CDKAL1: variants seen among roughly 807,000 people sequenced by gnomAD.
CDKAL1 encodes the protein CDKAL1 threonylcarbamoyladenosine tRNA methylthiotransferase.
A neutral mutation model predicts 68.2 loss-of-function variants in CDKAL1; 32 were observed. The observed-to-expected ratio is 0.47, with a 90% confidence interval of 0.35 to 0.63. The LOEUF (loss-of-function observed/expected upper bound fraction) is 0.63, where lower values mean the gene tolerates loss of function less well. Ranked by LOEUF, CDKAL1 falls within the 30% of genes least tolerant of loss-of-function variation. CDKAL1 has a pLI of 0.00. For missense variants in CDKAL1, 606 were observed against 696.7 expected, an observed-to-expected ratio of 0.87 and a Z score of 1.47; for synonymous variants, 234 against 244.3, an observed-to-expected ratio of 0.96 and a Z score of 0.39.
intron 5 of CDKAL1, 23 bp downstream of exon 5, chr6:20,649,400 C>G: frequency 7.3e-7 from 1 of 1,361,710 alleles, no homozygotes; most frequent in Non-Finnish European, 1.0e-6. Context: ...TGATTTTTTC[C>G]TATTTTGTAT....
intron 7 of CDKAL1, among the ~76,000 whole-genome samples, chr6:20,759,925 T>TA (rs1406992784): frequency 6.6e-6 from 1 of 152,120 alleles, no homozygotes; most frequent in Non-Finnish European, 1.5e-5. Flanking sequence ...TTATATTTTT[T>TA]AAAAAACCAT....
intron 4 of CDKAL1, chr6:20,559,276 A>C (rs529771071): frequency 1.3e-5 from 2 of 152,282 alleles, no homozygotes; most frequent in East Asian, 3.9e-4. Context: ...GTTGATTAGA[A>C]TCTTCACCTT....
rs1266169727 is a variant in CDKAL1, at chr6:21,184,092, C to T, written c.1300-13929C>T. Among the ~76,000 whole-genome samples the T allele has an allele frequency of 1.3e-5, 2 of 151,664 alleles. 1 individual carries two copies. Among genetic ancestry groups the T allele is most frequent in the Admixed American group, 1.3e-4 (2 of 15,230 alleles). On this transcript the variant is annotated intron_variant, in intron 13 of 15. Transcript: ENST00000274695. ...GACTGACAAAACAGACTTTTTGTAA[C>T]AATAAGATACCAGATTCCAACCTGA...
chr6:20,750,628 A>G (rs779136460), intron 6 of CDKAL1, among the ~76,000 whole-genome samples: 1 of 152,092 alleles, frequency 6.6e-6, no homozygotes, highest in Non-Finnish European at 1.5e-5. Context: ...GCAAAAATCT[A>G]TCTTGATATC....
chr6:21,211,795 C>T (rs1376837489), intron 15 of CDKAL1, among the ~76,000 whole-genome samples: 1 of 152,200 alleles, frequency 6.6e-6, no homozygotes, highest in East Asian at 1.9e-4. Context: ...CATTCTGTCA[C>T]CCAGGCTCTG....
intron 11 of CDKAL1, among the ~76,000 whole-genome samples, chr6:21,062,401 T>C (rs1436564643): frequency 6.6e-6 from 1 of 152,210 alleles, no homozygotes; most frequent in Non-Finnish European, 1.5e-5. Context: ...TCTACATGCT[T>C]TAGTCTACAA....
chr6:20,715,914 G>A (rs1415416594), intron 5 of CDKAL1, among the ~76,000 whole-genome samples: 1 of 152,084 alleles, frequency 6.6e-6, no homozygotes, highest in Non-Finnish European at 1.5e-5. Flanking sequence ...CCATTTTGTT[G>A]TGGGTTTATT....
intron 12 of CDKAL1, among the ~76,000 whole-genome samples, chr6:21,106,381 T>G (rs1319168965): frequency 6.6e-6 from 1 of 152,168 alleles, no homozygotes; most frequent in Admixed American, 6.5e-5. Flanking sequence ...GTTCTACATC[T>G]GCAGATTCAA....
At chr6:21,096,455 C>A (rs1028174543) in intron 12 of CDKAL1, among the ~76,000 whole-genome samples, 3 of 152,106 alleles carry the variant, frequency 2.0e-5, no homozygotes, top group African/African-American at 7.2e-5. Flanking sequence ...AGTAAAGGCA[C>A]ATTACCATCT....
intron 10 of CDKAL1, among the ~76,000 whole-genome samples, chr6:20,962,420 T>A (rs1196917355): frequency 6.6e-6 from 1 of 152,210 alleles, no homozygotes; most frequent in African/African-American, 2.4e-5. Flanking sequence ...AATGACCTTA[T>A]ATTCTAACCT....
chr6:20,661,255 C>T (rs1769270488), intron 5 of CDKAL1, among the ~76,000 whole-genome samples: 1 of 152,112 alleles, frequency 6.6e-6, no homozygotes, highest in Non-Finnish European at 1.5e-5. Context: ...TCATTTTATT[C>T]ATCTTATGTC....
At chr6:20,634,396 A>G (rs185520580) in intron 4 of CDKAL1, among the ~76,000 whole-genome samples, 83 of 152,344 alleles carry the variant, frequency 5.4e-4, no homozygotes, top group Non-Finnish European at 5.9e-5. Flanking sequence ...TGCAAATAGT[A>G]TGTATCTTAT....
chr6:21,202,131 C>T (rs1462587690), intron 15 of CDKAL1, among the ~76,000 whole-genome samples: 1 of 152,138 alleles, frequency 6.6e-6, no homozygotes, highest in Non-Finnish European at 1.5e-5. Context: ...GGCAATAGTA[C>T]CGCTTCACTC....
intron 9 of CDKAL1, among the ~76,000 whole-genome samples, chr6:20,911,110 A>G: frequency 6.6e-6 from 1 of 152,256 alleles, no homozygotes; most frequent in East Asian, 1.9e-4. Flanking sequence ...TAGCCTTTGT[A>G]GAGTAGTGGT....
At chr6:20,722,790 G>A (rs1299563097) in intron 5 of CDKAL1, among the ~76,000 whole-genome samples, 2 of 151,896 alleles carry the variant, frequency 1.3e-5, no homozygotes, top group South Asian at 4.2e-4. Flanking sequence ...GGGCTGCCCT[G>A]CCCCCATCCT....
chr6:21,211,783 C>G (rs1413127645), intron 15 of CDKAL1, among the ~76,000 whole-genome samples: 1 of 152,154 alleles, frequency 6.6e-6, no homozygotes, highest in Non-Finnish European at 1.5e-5. Flanking sequence ...GAGACAGAGT[C>G]TCATTCTGTC....
intron 12 of CDKAL1, among the ~76,000 whole-genome samples, chr6:21,085,253 T>A (rs1772629480): frequency 6.6e-6 from 1 of 152,194 alleles, no homozygotes; most frequent in East Asian, 1.9e-4. Flanking sequence ...CCATCAGAAC[T>A]GCATTTCTTT....
At chr6:21,108,514 T>A in intron 13 of CDKAL1, 51 bp downstream of exon 13, 1 of 1,176,772 alleles carries the variant, frequency 8.5e-7, no homozygotes, top group Non-Finnish European at 1.2e-6. Context: ...TTTCCGAATG[T>A]ATAGTACAAT....
intron 8 of CDKAL1, among the ~76,000 whole-genome samples, chr6:20,789,748 G>A (rs1581584918): frequency 1.3e-5 from 2 of 152,176 alleles, no homozygotes; most frequent in East Asian, 1.9e-4. Context: ...AGCAATCTTA[G>A]TTTACAGTTA....
Sources: gnomAD v4.1 joint callset for allele counts (sites outside exome capture counted in the v4.1 genomes callset) on GRCh38, gnomAD v4.1.1 for gene constraint, MANE v1.5 for transcripts, NCBI Gene and HGNC (gene_info 2026-07-23, HGNC 2026-07-21) for gene names.